Variants in ACACA observed in about 807,000 individuals in gnomAD.
The protein encoded by ACACA is acetyl-CoA carboxylase 1.
In ACACA, 103 loss-of-function variants were observed where a neutral mutation model predicts 296.1. That is an observed-to-expected ratio of 0.35 (90% confidence interval 0.30 to 0.41). ACACA has a LOEUF of 0.41. Among genes scored for constraint, ACACA ranks in the 10% least tolerant of loss-of-function variants. ACACA has a pLI of 1.00. For missense variants in ACACA, 1,554 were observed against 2,989.7 expected, an observed-to-expected ratio of 0.52 and a Z score of 11.20; for synonymous variants, 953 against 1,038.6, an observed-to-expected ratio of 0.92 and a Z score of 1.58.
chr17:37,344,419 G>A (rs552470317), intron 1 of ACACA, among the ~76,000 whole-genome samples: 25 of 152,130 alleles, frequency 1.6e-4, no homozygotes, highest in South Asian at 4.2e-4. Context: ...TTAGCGGGGC[G>A]TGGTGGTGTG....
chr17:37,173,979 AATTTATATATATAT>A (rs2076972297), intron 41 of ACACA, among the ~76,000 whole-genome samples: 12 of 41,850 alleles, frequency 2.9e-4, no homozygotes, highest in African/African-American at 9.4e-4. Flanking sequence ...ACGCCTGGCT[AATTTATATATATAT>A]ATATATATAT....
At chr17:37,094,281 A>G (rs1430219828) in intron 54 of ACACA, among the ~76,000 whole-genome samples, 1 of 152,190 alleles carries the variant, frequency 6.6e-6, no homozygotes, top group Non-Finnish European at 1.5e-5. Context: ...AGATATCTCT[A>G]AGGGAAACAA....
intron 45 of ACACA, among the ~76,000 whole-genome samples, 182 bp downstream of exon 45, chr17:37,149,682 A>G (rs1471744542): frequency 6.6e-6 from 1 of 152,244 alleles, no homozygotes; most frequent in African/African-American, 2.4e-5. Flanking sequence ...AAATGAATGA[A>G]TGAATGAATG....
rs746811220 is a variant in ACACA, at chr17:37,191,212, A to G, written c.4480T>C (p.Leu1494=). Residue 1494 remains leucine (L), a synonymous_variant, in exon 38 of 56, where the codon TTG becomes CTG. Coordinates refer to ENST00000616317, the MANE Select transcript of ACACA (RefSeq NM_198834.3). Reference sequence around the variant, plus strand: ...TTTGTATTGTTAAAAGCAACTTCCAACTCATCCATGGCTTCCAGGAGTAGC... The same window carrying G: ...TTTGTATTGTTAAAAGCAACTTCCAGCTCATCCATGGCTTCCAGGAGTAGC... ...ERLLLEAMDE[L]EVAFNNTNVR... 6.2e-7 allele frequency: 1 copy of G among 1,614,064 alleles called. No homozygotes were observed. The highest frequency in any genetic ancestry group is 1.1e-5 in the South Asian group (1 of 91,072).
chr17:37,163,764 C>A (rs1567746893), intron 41 of ACACA, among the ~76,000 whole-genome samples: 1 of 152,204 alleles, frequency 6.6e-6, no homozygotes, highest in East Asian at 1.9e-4. Context: ...TCTCTTGCTG[C>A]ACTATATGTA....
chr17:37,210,380 A>G, intron 30 of ACACA, 87 bp downstream of exon 30: 4 of 1,209,782 alleles, frequency 3.3e-6, no homozygotes, highest in Non-Finnish European at 4.9e-6. Flanking sequence ...TATCTTGTCA[A>G]GTGTTGTGGT....
At chr17:37,139,103 A>G (rs1242853001) in intron 45 of ACACA, among the ~76,000 whole-genome samples, 1 of 152,212 alleles carries the variant, frequency 6.6e-6, no homozygotes, top group Non-Finnish European at 1.5e-5. Context: ...ACTGATCTGC[A>G]AAGACAGAGC....
chr17:37,360,894 G>A (rs992238739), intron 1 of ACACA, among the ~76,000 whole-genome samples: 3 of 152,094 alleles, frequency 2.0e-5, no homozygotes, highest in African/African-American at 7.2e-5. Context: ...TGGGAAGAGG[G>A]AAGCCTTGCC....
rs145228147 is a variant in ACACA, at chr17:37,258,272, G to A, written c.1602C>T (p.His534=). 6.2e-4 allele frequency: 995 copies of A among 1,614,074 alleles called. 12 individuals are homozygous for A. The East Asian group carries it at 0.019, about 30-fold the overall frequency. Residue 534 remains histidine (H), a synonymous_variant, in exon 13 of 56, where the codon CAC becomes CAT. Transcript: ENST00000616317. ...TAACATGGCCCCTTGGACAAGGAAC[G>A]TGTGCAGAATCTTCAAAATCAATGG... ...DSPIDFEDSA[H]VPCPRGHVIA...
At chr17:37,352,646 C>A (rs2048959923) in intron 1 of ACACA, among the ~76,000 whole-genome samples, 1 of 151,302 alleles carries the variant, frequency 6.6e-6, no homozygotes, top group African/African-American at 2.4e-5. Flanking sequence ...TTGAGCCTGA[C>A]AGGTTGAGGC....
intron 11 of ACACA, among the ~76,000 whole-genome samples, chr17:37,260,161 C>T (rs1384844399): frequency 2.0e-5 from 3 of 146,684 alleles, no homozygotes; most frequent in African/African-American, 5.1e-5. Flanking sequence ...GGATTACAGG[C>T]GTGAGCCACC....
At chr17:37,246,718 C>T in intron 19 of ACACA, 108 bp downstream of exon 19, 1 of 1,425,522 alleles carries the variant, frequency 7.0e-7, no homozygotes, top group Non-Finnish European at 9.8e-7. Flanking sequence ...CAGGCACAAG[C>T]CACTGTGCCC....
In ACACA at chr17:37,200,412, T is replaced by C; in HGVS notation, c.4113+15A>G. 1 of 1,597,490 alleles carries C rather than the reference T, an allele frequency of 6.3e-7. No homozygotes were observed. Among genetic ancestry groups the C allele is most frequent in the Non-Finnish European group, 8.6e-7 (1 of 1,164,786 alleles). ...CATAAGAAATATTAAAGAGGTACAA[T>C]TCACATGTCAGTACCTTTTGTGCAA... On this transcript the variant is annotated intron_variant, in intron 34 of 55. Coordinates refer to ENST00000616317, the MANE Select transcript of ACACA (RefSeq NM_198834.3).
chr17:37,132,544 GA>G (rs2075149063), intron 45 of ACACA, among the ~76,000 whole-genome samples: 1 of 152,122 alleles, frequency 6.6e-6, no homozygotes, highest in African/African-American at 2.4e-5. Flanking sequence ...AATAAAATTG[GA>G]AAGGGGGAAA....
rs533400578 is a variant in ACACA, at chr17:37,283,513, A to G, written c.472-108T>C. 1.1e-5 allele frequency: 15 copies of G among 1,371,816 alleles called. No homozygotes were observed. The Admixed American group carries it at 2.2e-4, about 20-fold the overall frequency. 85.0% of individuals were successfully genotyped at this position (1,371,816 alleles called of 1,614,324 possible). A position where few individuals can be genotyped will look rare whatever the true frequency, so the allele number is the denominator to read the frequency against. On this transcript the variant is annotated intron_variant, in intron 4 of 55. Coordinates refer to ENST00000616317, the MANE Select transcript of ACACA (RefSeq NM_198834.3). ...ATATCTATCTTTCTGTGTAAAAGTC[A>G]TACTTTCAACCAAGAATTCTTGTTA...
At chr17:37,314,397 C>T (rs894841594) in intron 3 of ACACA, among the ~76,000 whole-genome samples, 1 of 152,090 alleles carries the variant, frequency 6.6e-6, no homozygotes, top group East Asian at 1.9e-4. Flanking sequence ...CTGCGCCCGA[C>T]CACTCTACTA....
intron 16 of ACACA, among the ~76,000 whole-genome samples, chr17:37,249,848 C>G (rs1240424154): frequency 6.6e-6 from 1 of 152,182 alleles, no homozygotes; most frequent in East Asian, 1.9e-4. Flanking sequence ...CCATAATTCT[C>G]TTGTGGTGTG....
intron 1 of ACACA, among the ~76,000 whole-genome samples, chr17:37,355,328 T>G (rs2049085775): frequency 6.6e-6 from 1 of 151,640 alleles, no homozygotes; most frequent in Non-Finnish European, 1.5e-5. Flanking sequence ...GAGGCCGAAG[T>G]GGGTGGATCA....
chr17:37,285,120 G>C, intron 3 of ACACA, 150 bp from the exon 4 acceptor site: 1 of 871,204 alleles, frequency 1.1e-6, no homozygotes, highest in Non-Finnish European at 1.7e-6. Flanking sequence ...AGAGAGAAAA[G>C]AAAATGATCT....
Sources: gnomAD v4.1 joint callset for allele counts (sites outside exome capture counted in the v4.1 genomes callset) on GRCh38, gnomAD v4.1.1 for gene constraint, MANE v1.5 for transcripts, NCBI Gene and HGNC (gene_info 2026-07-23, HGNC 2026-07-21) for gene names.